Variants in DENND4B observed in about 807,000 individuals in gnomAD.
DENND4B encodes DENN domain containing 4B, also known as DENN domain-containing protein 4B.
In DENND4B, 67 loss-of-function variants were observed where a neutral mutation model predicts 161.0. That is an observed-to-expected ratio of 0.42 (90% CI 0.34 to 0.51). The LOEUF (loss-of-function observed/expected upper bound fraction) is 0.51. DENND4B is among the 20% of genes least tolerant of loss of function. The probability of loss-of-function intolerance (pLI) is 0.08; values close to 1 mark genes in which losing one functional copy is unlikely to be tolerated. For missense variants in DENND4B, 1,481 were observed against 1,968.0 expected, an observed-to-expected ratio of 0.75 and a Z score of 4.68; for synonymous variants, 753 against 813.8, an observed-to-expected ratio of 0.93 and a Z score of 1.27.
chr1:153,944,111 T>C lies in DENND4B; in HGVS notation c.264A>G (p.Gln88=), dbSNP rs368659630. ...ELSAGLLGGT[Q]PVICYRRGRD... is the part of the protein sequence containing the mutation. Reference sequence around the variant, plus strand: ...GGCCCCTGCGGTAGCAGATGACGGGTTGAGTTCCACCCAGAAGTCCAGCAC... The same window carrying C: ...GGCCCCTGCGGTAGCAGATGACGGGCTGAGTTCCACCCAGAAGTCCAGCAC... Residue 88 remains glutamine, a synonymous_variant, in exon 2 of 28, where the codon CAA becomes CAG. Coordinates refer to ENST00000361217, the MANE Select transcript of DENND4B (RefSeq NM_014856.3). This position sits in a 1 kb window ranked among gnomAD's most constrained non-coding sequence, Gnocchi z 4.8. The C allele has an allele frequency of 5.8e-5, 93 of 1,605,270 alleles. No homozygotes were observed. The highest frequency in any genetic ancestry group is 1.1e-4 in the African/African-American group (8 of 74,558).
intron 24 of DENND4B, among the ~76,000 whole-genome samples, chr1:153,931,892 C>T (rs1678969762): frequency 1.3e-5 from 2 of 151,840 alleles, no homozygotes. Flanking sequence ...CAACCTCCGC[C>T]TCCCAGGTTC....
rs1341806733 is a variant in DENND4B, at chr1:153,930,928, G to A, written c.4114+19C>T. ...GTATGGGACCCACCCTCCCCACCCA[G>A]GCCAAATACCAGACTCACTGTGGAC... On this transcript the variant is annotated intron_variant, in intron 25 of 27. Coordinates refer to ENST00000361217, the MANE Select transcript of DENND4B (RefSeq NM_014856.3). The surrounding 1 kb of genome is among the most constrained non-coding windows in gnomAD (Gnocchi z 4.7). 1.2e-5 allele frequency: 14 copies of A among 1,197,970 alleles called. No individual in the cohort carries two copies. Among genetic ancestry groups the A allele is most frequent in the Admixed American group, 1.9e-5 (1 of 53,050 alleles). The allele number at this position is 1,197,970 out of a possible 1,614,324, so 74.2% of individuals were successfully genotyped here.
Position 153,934,444 on chromosome 1 carries a change from TG to T in DENND4B, c.2774-143del. ...TCCGTTTTGTGTTTGTTTGTTTGTT[TG>T]TTTTGTTTTGTTTTTTGAGATGGAG... On this transcript the variant is annotated intron_variant, in intron 18 of 27. Coordinates refer to ENST00000361217, the MANE Select transcript of DENND4B (RefSeq NM_014856.3). The surrounding 1 kb of genome is among the most constrained non-coding windows in gnomAD (Gnocchi z 5.3). 1 of 1,253,000 alleles carries T rather than the reference TG, an allele frequency of 8.0e-7. No homozygotes were observed. The highest frequency in any genetic ancestry group is 1.1e-6 in the Non-Finnish European group (1 of 918,302). The allele number at this position is 1,253,000 out of a possible 1,614,324, so 77.6% of individuals were successfully genotyped here.
At chr1:153,935,969 C>T (rs1380913875) in intron 17 of DENND4B, 91 bp downstream of exon 17, 18 of 1,511,106 alleles carry the variant, frequency 1.2e-5, no homozygotes, top group Non-Finnish European at 1.6e-5. Context: ...CAGTACCAGC[C>T]CAATCTCCAA....
Position 153,940,806 on chromosome 1 carries a change from C to T in DENND4B, c.1326+98G>A. On this transcript the variant is annotated intron_variant, in intron 9 of 27. Transcript: ENST00000361217. The surrounding 1 kb of genome is among the most constrained non-coding windows in gnomAD (Gnocchi z 5.6). ...TGCCCAGGGAAAGGGGCTGAGGATCCTCCACAAGGAAGGAAAAGGGAAGAG... is the reference window on the plus strand; with the variant it reads ...TGCCCAGGGAAAGGGGCTGAGGATCTTCCACAAGGAAGGAAAAGGGAAGAG... 2 of 1,479,810 alleles carry T rather than the reference C, an allele frequency of 1.4e-6. No homozygotes were observed. Among genetic ancestry groups the T allele is most frequent in the Non-Finnish European group, 1.8e-6 (2 of 1,117,404 alleles). The allele number at this position is 1,479,810 out of a possible 1,614,324, so 91.7% of individuals were successfully genotyped here. A position where few individuals can be genotyped will look rare whatever the true frequency, so the allele number is the denominator to read the frequency against.
Position 153,930,389 on chromosome 1 carries a change from C to T in DENND4B, c.4399G>A (p.Gly1467Ser), listed in dbSNP as rs2101991809. The T allele has an allele frequency of 6.2e-7, 1 of 1,614,006 alleles. No homozygotes were observed. The highest frequency in any genetic ancestry group is 1.7e-5 in the Admixed American group (1 of 60,008). The change falls in exon 28 of 28, where the codon GGC (glycine) becomes AGC (serine). Residue 1467 changes from glycine (G) to serine (S), a missense_variant. Coordinates refer to ENST00000361217, the MANE Select transcript of DENND4B (RefSeq NM_014856.3). This position sits in a 1 kb window ranked among gnomAD's most constrained non-coding sequence, Gnocchi z 4.7. ...CGCCGGTGCCTCAGCTCCTCCTTGC[C>T]CATGCTGCTGGCCAGCTTGTTAAAG... Reference protein sequence around the residue: ...SAFNKLASSMGKEELRHRRAQ... With the variant: ...SAFNKLASSMSKEELRHRRAQ...
chr1:153,933,567 A>G lies in DENND4B; in HGVS notation c.3246T>C (p.Pro1082=). ...GGCGGGCTGGGGGTGGCAGGTCAGG[A>G]GGCAGCTCAGGTGGGGGAATGCGGG... ...PASRIPPPEL[P]PDLPPPARRS... is the part of the protein sequence containing the mutation. The change falls in exon 20 of 28, where the codon CCT becomes CCC. Residue 1082 remains proline (P), a synonymous_variant. Coordinates refer to ENST00000361217, the MANE Select transcript of DENND4B (RefSeq NM_014856.3). This position sits in a 1 kb window ranked among gnomAD's most constrained non-coding sequence, Gnocchi z 5.7. 1 of 1,557,232 alleles carries G rather than the reference A, an allele frequency of 6.4e-7. No homozygotes were observed. The highest frequency in any genetic ancestry group is 2.3e-5 in the East Asian group (1 of 44,404).
chr1:153,940,461 C>A lies in DENND4B; in HGVS notation c.1472G>T (p.Cys491Phe). The A allele has an allele frequency of 6.2e-7, 1 of 1,612,946 alleles. No homozygotes were observed. The highest frequency in any genetic ancestry group is 8.5e-7 in the Non-Finnish European group (1 of 1,179,418). ...DLHDPPADVI[C>F]VDLDTNTLFQ... ...GAGCGTGTTGGTATCAAGGTCTACA[C>A]AGATGACATCAGCAGGCGGGTCATG... is the stretch of plus-strand genomic sequence containing the variant. The change falls in exon 10 of 28, where the codon TGT becomes TTT. Residue 491 changes from cysteine (C) to phenylalanine (F), a missense_variant. By Grantham distance (205) the Cys-to-Phe change is radical. Transcript: ENST00000361217. This position sits in a 1 kb window ranked among gnomAD's most constrained non-coding sequence, Gnocchi z 5.6.
rs1679868712 is a variant in DENND4B at position 153,944,722 on chromosome 1, T to A, written c.-23-325A>T. Reference sequence around the variant, plus strand: ...AGTTATAACATCACAGAGATCACAATCTTTTTTGTAATAGCCTTCCATGAC... The same window carrying A: ...AGTTATAACATCACAGAGATCACAAACTTTTTTGTAATAGCCTTCCATGAC... On this transcript the variant is annotated intron_variant, in intron 1 of 27. Transcript: ENST00000361217. This position sits in a 1 kb window ranked among gnomAD's most constrained non-coding sequence, Gnocchi z 4.8. 6.6e-6 allele frequency among the ~76,000 whole-genome samples: 1 copy of A among 152,188 alleles called. No individual in the cohort carries two copies.
At position 153,934,804 on chromosome 1, in the gene DENND4B, T is replaced by A; in HGVS notation, c.2729A>T (p.Gln910Leu). The change falls in exon 18 of 28, where the codon CAG (glutamine) becomes CTG (leucine). Residue 910 changes from glutamine to leucine, a missense_variant. Gln to Leu is a moderately radical substitution (Grantham distance 113, BLOSUM62 -2). This residue lies in a region of DENND4B where 339 missense variants were observed against 330.3 expected (regional missense o/e 1.03). Coordinates refer to ENST00000361217, the MANE Select transcript of DENND4B (RefSeq NM_014856.3). The surrounding 1 kb of genome is among the most constrained non-coding windows in gnomAD (Gnocchi z 5.3). Reference protein sequence around the residue: ...QQQQQQQQQQQEQVSAHQEAG... With the variant: ...QQQQQQQQQQLEQVSAHQEAG... ...CTCTTGATGTGCTGACACCTGCTCC[T>A]GCTGCTGCTGCTGCTGCTGCTGCTG... 7 of 673,172 alleles carry A rather than the reference T, an allele frequency of 1.0e-5. No individual in the cohort carries two copies. The highest frequency in any genetic ancestry group is 1.4e-5 in the Non-Finnish European group (7 of 498,346). 41.7% of individuals were successfully genotyped at this position (673,172 alleles called of 1,614,324 possible). A position where few individuals can be genotyped will look rare whatever the true frequency, so the allele number is the denominator to read the frequency against.
In DENND4B at chr1:153,933,290, G is replaced by C. The variant is rs1435468493; in HGVS notation, c.3360C>G (p.Asp1120Glu). ...GGTTGCTGAGAGAAGATTCTGAGAG[G>C]TCCCACTCACTGCCCAGAGAGGCTG... Reference protein sequence around the residue: ...ESSASLGSEWDLSESSLSNLS... With the variant: ...ESSASLGSEWELSESSLSNLS... The change falls in exon 21 of 28, where the codon GAC becomes GAG. Residue 1120 changes from aspartate to glutamate, a missense_variant. By Grantham distance (45) the Asp-to-Glu change is conservative (BLOSUM62 2). Transcript: ENST00000361217. The surrounding 1 kb of genome is among the most constrained non-coding windows in gnomAD (Gnocchi z 5.7). 1.9e-6 allele frequency: 3 copies of C among 1,613,204 alleles called. No homozygotes were observed. Among genetic ancestry groups the C allele is most frequent in the Admixed American group, 3.3e-5 (2 of 59,906 alleles).
chr1:153,934,830 TTGCTGC>T lies in DENND4B; in HGVS notation c.2697_2702del (p.Gln909_Gln910del), dbSNP rs1553203539. 2 of 1,285,128 alleles carry T rather than the reference TTGCTGC, an allele frequency of 1.6e-6. No homozygotes were observed. The highest frequency in any genetic ancestry group is 1.5e-5 in the African/African-American group (1 of 65,350). 79.6% of individuals were successfully genotyped at this position (1,285,128 alleles called of 1,614,324 possible). On this transcript the variant is annotated inframe_deletion, in exon 18 of 28. Transcript: ENST00000361217. This position sits in a 1 kb window ranked among gnomAD's most constrained non-coding sequence, Gnocchi z 5.3. ...GCTGCTGCTGCTGCTGCTGCTGCTG[TTGCTGC>T]TGCTGCTGCTGTTGCCGTTCTCTCA...
intron 24 of DENND4B, among the ~76,000 whole-genome samples, chr1:153,931,597 A>G (rs1420845963): frequency 6.7e-6 from 1 of 148,494 alleles, no homozygotes; most frequent in East Asian, 2.0e-4. Context: ...TCCTGGGTTC[A>G]CGCCATTCTC....
chr1:153,935,257 A>G, intron 17 of DENND4B: 2 of 436,122 alleles, frequency 4.6e-6, no homozygotes, highest in Non-Finnish European at 8.1e-6. Flanking sequence ...TTATTTGGTC[A>G]TTAGTCTCCT....
In DENND4B at chr1:153,942,943, G is replaced by A. The variant is rs1679758998; in HGVS notation, c.505C>T (p.Pro169Ser). The change falls in exon 3 of 28, where the codon CCC (proline) becomes TCC (serine). Residue 169 changes from proline (P) to serine (S), a missense_variant. Pro to Ser is a moderately conservative substitution (Grantham distance 74). Transcript: ENST00000361217. This position sits in a 1 kb window ranked among gnomAD's most constrained non-coding sequence, Gnocchi z 6.9. ...TGAGGAGTGCCCTCGCCCTTACTGG[G>A]CAGCACCAGGCAGAGGTCAGTGATG... ...LGITDLCLVLPSKGEGTPHTY... is the reference protein window; with the variant it reads ...LGITDLCLVLSSKGEGTPHTY... The A allele has an allele frequency of 3.1e-6, 5 of 1,613,446 alleles. No homozygotes were observed. The highest frequency in any genetic ancestry group is 4.2e-6 in the Non-Finnish European group (5 of 1,179,506).
chr1:153,933,512 G>A lies in DENND4B; in HGVS notation c.3301C>T (p.Arg1101Trp), dbSNP rs369938170. The change falls in exon 20 of 28, where the codon CGG (arginine) becomes TGG (tryptophan). Residue 1101 changes from arginine (R) to tryptophan (W), a missense_variant. This residue lies in a region of DENND4B where 339 missense variants were observed against 330.3 expected (regional missense o/e 1.03). Transcript: ENST00000361217. The surrounding 1 kb of genome is among the most constrained non-coding windows in gnomAD (Gnocchi z 5.7). Reference protein sequence around the residue: ...RSPMDSLLHPRERPGSTASES... With the variant: ...RSPMDSLLHPWERPGSTASES... ...GAGGCAGTGGATCCAGGGCGCTCCCGGGGGTGCAGAAGACTGTCCATGGGG... is the reference window on the plus strand; with the variant it reads ...GAGGCAGTGGATCCAGGGCGCTCCCAGGGGTGCAGAAGACTGTCCATGGGG... 27 of 1,552,422 alleles carry A rather than the reference G, an allele frequency of 1.7e-5. No homozygotes were observed. The highest frequency in any genetic ancestry group is 1.1e-4 in the Admixed American group (6 of 53,340).
At position 153,933,688 on chromosome 1, in the gene DENND4B, T is replaced by G. The variant is rs1013338420; in HGVS notation, c.3125A>C (p.Lys1042Thr). The change falls in exon 20 of 28, where the codon AAG becomes ACG. Residue 1042 changes from lysine to threonine, a missense_variant. Physicochemically the swap from Lys to Thr is moderately conservative, Grantham distance 78. Around this residue, in one of 3 missense-constraint regions of DENND4B, gnomAD observed 339 missense variants for 330.3 expected, o/e 1.03. Transcript: ENST00000361217. The surrounding 1 kb of genome is among the most constrained non-coding windows in gnomAD (Gnocchi z 5.7). ...TGCCTCATCCTGTCGCCCACCAGCC[T>G]TGGGTCCCCGCCCACTTAGCCCTTC... ...ALEGLSGRGP[K>T]AGGRQDEAGT... 4 of 1,574,884 alleles carry G rather than the reference T, an allele frequency of 2.5e-6. 1 individual carries two copies. In the Middle Eastern group the frequency reaches 7.0e-4, roughly 276 times the overall value.
rs773723786 is a variant in DENND4B at position 153,932,175 on chromosome 1, G to A, written c.3996+29C>T. The A allele has an allele frequency of 1.3e-6, 2 of 1,592,132 alleles. No individual in the cohort carries two copies. ...GGCTGAGAGATGAGGGAGGCACTTA[G>A]GAAACAGGGGCCACATGGGGGCACT... On this transcript the variant is annotated intron_variant, in intron 24 of 27. Transcript: ENST00000361217. This position sits in a 1 kb window ranked among gnomAD's most constrained non-coding sequence, Gnocchi z 5.8.
chr1:153,944,255 A>G lies in DENND4B; in HGVS notation c.120T>C (p.Pro40=). The change falls in exon 2 of 28, where the codon CCT becomes CCC. Residue 40 remains proline, a synonymous_variant. Coordinates refer to ENST00000361217, the MANE Select transcript of DENND4B (RefSeq NM_014856.3). The surrounding 1 kb of genome is among the most constrained non-coding windows in gnomAD (Gnocchi z 4.8). ...CTGTGATGGGCTCAGCTGGCCGGGGAGGGCGCAGGGGCCCACTGGGTTCAG... is the reference window on the plus strand; with the variant it reads ...CTGTGATGGGCTCAGCTGGCCGGGGGGGGCGCAGGGGCCCACTGGGTTCAG... ...WVPEPSGPLR[P]PRPAEPITDV... 6.2e-7 allele frequency: 1 copy of G among 1,600,206 alleles called. No individual in the cohort carries two copies. The highest frequency in any genetic ancestry group is 8.5e-7 in the Non-Finnish European group (1 of 1,172,528).
Sources: allele counts gnomAD v4.1 joint callset (sites outside exome capture counted in the v4.1 genomes callset), GRCh38; gene constraint gnomAD v4.1.1; regional missense constraint gnomAD v4.1.1; non-coding constraint Gnocchi (gnomAD v3.1); transcripts MANE v1.5; gene names NCBI Gene and HGNC (gene_info 2026-07-23, HGNC 2026-07-21).